Variants in RBFOX1 observed in about 807,000 individuals in gnomAD.
The protein encoded by RBFOX1 is RNA binding protein fox-1 homolog 1.
RBFOX1 carries 8 observed loss-of-function variants against 57.7 expected under a neutral mutation model. That is an observed-to-expected ratio of 0.14 (90% CI 0.08 to 0.25). RBFOX1 has a LOEUF of 0.25. Among genes scored for constraint, RBFOX1 ranks in the 10% least tolerant of loss-of-function variants. The probability of loss-of-function intolerance (pLI) is 1.00; values close to 1 mark genes in which losing one functional copy is unlikely to be tolerated. For synonymous variants in RBFOX1, 326 were observed against 222.4 expected, an observed-to-expected ratio of 1.47 and a Z score of -4.15; for missense variants, 611 against 548.5, an observed-to-expected ratio of 1.11 and a Z score of -1.14.
At chr16:5,432,401 A>G (rs774899608) in intron 1 of RBFOX1, among the ~76,000 whole-genome samples, 1 of 152,140 alleles carries the variant, frequency 6.6e-6, no homozygotes, top group Admixed American at 6.6e-5. Context: ...GGCCCCTGTA[A>G]TTTAACTAGA....
At chr16:5,630,848 C>A (rs1165085826) in intron 3 of RBFOX1, among the ~76,000 whole-genome samples, 1 of 152,176 alleles carries the variant, frequency 6.6e-6, no homozygotes, top group Non-Finnish European at 1.5e-5. Flanking sequence ...AGGGGAGCAA[C>A]TTGAACTTTA....
At chr16:6,518,801 A>G (rs4786099) in intron 2 of RBFOX1, among the ~76,000 whole-genome samples, 84,485 of 128,194 alleles carry the variant, frequency 0.66, 24,765 homozygotes, top group Admixed American at 0.7. Flanking sequence ...GTGTCTGTCT[A>G]TCTATCTATC....
intron 4 of RBFOX1, among the ~76,000 whole-genome samples, chr16:7,370,378 A>G (rs1163258832): frequency 2.6e-5 from 4 of 152,178 alleles, no homozygotes; most frequent in East Asian, 1.9e-4. Flanking sequence ...TTGGAGGTAC[A>G]TTGTGATGTG....
rs115740083 is a variant in RBFOX1 at position 5,547,822 on chromosome 16, A to G, written c.259-51080A>G. Among the ~76,000 whole-genome samples the G allele has an allele frequency of 2.8e-3, 420 of 152,206 alleles. 1 individual carries two copies. Among genetic ancestry groups the G allele is most frequent in the African/African-American group, 9.7e-3 (402 of 41,528 alleles). On this transcript the variant is annotated intron_variant, in intron 2 of 2. Transcript: ENST00000585867. ...AGAAAACCAAATACTACATGTGCTC[A>G]TTTATAAGTGGGAGCTAAACATTGG...
intron 3 of RBFOX1, among the ~76,000 whole-genome samples, chr16:5,662,192 T>C (rs61314772): frequency 0.043 from 6,564 of 152,298 alleles, 486 homozygotes; most frequent in African/African-American, 0.15. Flanking sequence ...TCAAAGTTGA[T>C]ATGGTCTGTT....
At chr16:5,464,853 C>G (rs2068904091) in intron 1 of RBFOX1, among the ~76,000 whole-genome samples, 1 of 152,124 alleles carries the variant, frequency 6.6e-6, no homozygotes, top group South Asian at 2.1e-4. Context: ...GCTGGGGAGG[C>G]ACAGGGTGTG....
At chr16:6,822,489 A>G (rs1345141968) in intron 3 of RBFOX1, among the ~76,000 whole-genome samples, 1 of 152,238 alleles carries the variant, frequency 6.6e-6, no homozygotes, top group Non-Finnish European at 1.5e-5. Flanking sequence ...AAACACATGC[A>G]TCAATCTGAG....
chr16:7,098,761 G>C (rs1426904913), intron 4 of RBFOX1, among the ~76,000 whole-genome samples: 2 of 152,082 alleles, frequency 1.3e-5, no homozygotes, highest in East Asian at 3.9e-4. Flanking sequence ...ACCAGCCTGG[G>C]CAACATAGTG....
chr16:7,580,803 T>C (rs1386300256), intron 6 of RBFOX1, among the ~76,000 whole-genome samples: 1 of 152,252 alleles, frequency 6.6e-6, no homozygotes, highest in East Asian at 1.9e-4. Context: ...TTTGCAGATG[T>C]AGCCAATTTG....
rs117820016 is a variant in RBFOX1, at chr16:7,037,516, G to A, written c.-15-14541G>A. Among the ~76,000 whole-genome samples, 782 of 152,224 alleles carry A rather than the reference G, an allele frequency of 5.1e-3. 10 individuals are homozygous for A. Among genetic ancestry groups the A allele is most frequent in the Non-Finnish European group, 6.6e-3 (450 of 68,028 alleles). On this transcript the variant is annotated intron_variant, in intron 3 of 15. Transcript: ENST00000550418. ...AATATCTAAGGAAACAGTGAGGCAC[G>A]TCCAGTCCACTGTCAACTTATGAAA...
In RBFOX1 at chr16:5,671,867, G is replaced by A. The variant is rs57598988; in HGVS notation, c.318+72906G>A. On this transcript the variant is annotated intron_variant, in intron 3 of 19. Transcript: ENST00000641259. ...GTTGCAGTGTGAGCTGGGGGTTGAAGGATGCCACCTATCAGCCTTGCAGAA... is the reference window on the plus strand; with the variant it reads ...GTTGCAGTGTGAGCTGGGGGTTGAAAGATGCCACCTATCAGCCTTGCAGAA... Among the ~76,000 whole-genome samples, 1,160 of 152,166 alleles carry A rather than the reference G, an allele frequency of 7.6e-3. 13 individuals carry two copies. The highest frequency in any genetic ancestry group is 0.026 in the African/African-American group (1,086 of 41,510).
chr16:6,995,577 C>A (rs545698466), intron 3 of RBFOX1, among the ~76,000 whole-genome samples: 1 of 152,116 alleles, frequency 6.6e-6, no homozygotes, highest in South Asian at 2.1e-4. Flanking sequence ...ATGGGCAACA[C>A]ACTGAAACCT....
chr16:6,943,782 A>G (rs1329575985), intron 3 of RBFOX1, among the ~76,000 whole-genome samples: 1 of 152,046 alleles, frequency 6.6e-6, no homozygotes, highest in Non-Finnish European at 1.5e-5. Context: ...CTGAACTTCA[A>G]CCACTCATAG....
intron 3 of RBFOX1, among the ~76,000 whole-genome samples, chr16:6,882,385 TTC>T (rs935576558): frequency 2.0e-5 from 3 of 152,018 alleles, no homozygotes; most frequent in Non-Finnish European, 2.9e-5. Context: ...ACCTCTCTGA[TTC>T]TCTCTCTTCC....
intron 2 of RBFOX1, among the ~76,000 whole-genome samples, chr16:6,353,048 A>G (rs1400455922): frequency 6.6e-6 from 1 of 152,142 alleles, no homozygotes; most frequent in African/African-American, 2.4e-5. Context: ...TTCTCGGAGA[A>G]ACTGCTTTGC....
chr16:6,007,728 C>T (rs781700188), intron 4 of RBFOX1, among the ~76,000 whole-genome samples: 1 of 152,028 alleles, frequency 6.6e-6, no homozygotes, highest in East Asian at 1.9e-4. Context: ...AACAGCAGCC[C>T]CAGAAGCCTG....
chr16:7,338,851 C>G (rs2096841498), intron 4 of RBFOX1, among the ~76,000 whole-genome samples: 3 of 152,174 alleles, frequency 2.0e-5, no homozygotes, highest in African/African-American at 7.2e-5. Context: ...GGCTCTGTGG[C>G]TGGCATTTCA....
intron 2 of RBFOX1, among the ~76,000 whole-genome samples, chr16:6,621,759 C>G (rs1567921568): frequency 6.6e-6 from 1 of 152,176 alleles, no homozygotes; most frequent in Non-Finnish European, 1.5e-5. Flanking sequence ...AACCTTTAGG[C>G]TAATCACTGC....
At chr16:6,737,530 A>T (rs573813168) in intron 3 of RBFOX1, among the ~76,000 whole-genome samples, 1 of 152,288 alleles carries the variant, frequency 6.6e-6, no homozygotes, top group Non-Finnish European at 1.5e-5. Flanking sequence ...AACTTTCTGG[A>T]AGTCATTGCT....
Sources: gnomAD v4.1 joint callset for allele counts (sites outside exome capture counted in the v4.1 genomes callset) on GRCh38, gnomAD v4.1.1 for gene constraint, MANE v1.5 for transcripts, NCBI Gene and HGNC (gene_info 2026-07-23, HGNC 2026-07-21) for gene names.